ADGRB3: variants seen among roughly 807,000 people sequenced by gnomAD.
The protein encoded by ADGRB3 is adhesion G protein-coupled receptor B3.
Under a neutral mutation model 193.4 loss-of-function variants are expected in ADGRB3, and 37 were observed. The observed-to-expected ratio is 0.19, with a 90% confidence interval of 0.15 to 0.25. The LOEUF (loss-of-function observed/expected upper bound fraction) is 0.25. Among genes scored for constraint, ADGRB3 ranks in the 10% least tolerant of loss-of-function variants. ADGRB3 has a pLI of 1.00. For synonymous variants in ADGRB3, 690 were observed against 644.2 expected (o/e 1.07, Z -1.08); for missense variants, 1,637 against 1,852.9 (o/e 0.88, Z 2.14).
chr6:69,033,432 GTAGTATTGCTA>G (rs1770770701), intron 13 of ADGRB3, among the ~76,000 whole-genome samples: 6 of 152,052 alleles, frequency 3.9e-5, no homozygotes, highest in Non-Finnish European at 7.4e-5. Context: ...AAATAATTAT[GTAGTATTGCTA>G]CATTCTCTGA....
At chr6:69,025,589 G>A (rs1422263046) in intron 13 of ADGRB3, among the ~76,000 whole-genome samples, 1 of 150,116 alleles carries the variant, frequency 6.7e-6, no homozygotes, top group Non-Finnish European at 1.5e-5. Context: ...CTAGATTTGA[G>A]TCTGAATGTG....
intron 26 of ADGRB3, among the ~76,000 whole-genome samples, chr6:69,353,796 G>T (rs537069113): frequency 1.4e-4 from 22 of 152,300 alleles, no homozygotes; most frequent in African/African-American, 4.1e-4. Context: ...GGGCACGGTG[G>T]CTCATGCCTG....
intron 3 of ADGRB3, among the ~76,000 whole-genome samples, chr6:68,727,916 T>C (rs2074418245): frequency 6.6e-6 from 1 of 151,604 alleles, no homozygotes; most frequent in Non-Finnish European, 1.5e-5. Flanking sequence ...ATTGAACTCC[T>C]TCACCAGAGA....
At chr6:69,283,128 A>G (rs569111293) in intron 20 of ADGRB3, among the ~76,000 whole-genome samples, 1 of 152,222 alleles carries the variant, frequency 6.6e-6, no homozygotes, top group South Asian at 2.1e-4. Flanking sequence ...ATAAAAGAAG[A>G]TAAGCCTGGA....
At chr6:68,728,576 A>G (rs1765716325) in intron 3 of ADGRB3, among the ~76,000 whole-genome samples, 1 of 151,534 alleles carries the variant, frequency 6.6e-6, no homozygotes, top group Non-Finnish European at 1.5e-5. Flanking sequence ...TTACACACAC[A>G]CAAACACACA....
At position 69,179,870 on chromosome 6, in the gene ADGRB3, T is replaced by G. The variant is rs546083027; in HGVS notation, c.2481-53420T>G. Among the ~76,000 whole-genome samples the G allele has an allele frequency of 2.0e-4, 31 of 152,346 alleles. 1 individual carries two copies. Among genetic ancestry groups the G allele is most frequent in the Admixed American group, 1.6e-3 (24 of 15,308 alleles). On this transcript the variant is annotated intron_variant, in intron 17 of 31. Coordinates refer to ENST00000370598, the MANE Select transcript of ADGRB3 (RefSeq NM_001704.3). Reference sequence around the variant, plus strand: ...GGCCTGTAATGACTAGGCATGTACTTGATCCTTGTTTACTTGGAGAACCTC... The same window carrying G: ...GGCCTGTAATGACTAGGCATGTACTGGATCCTTGTTTACTTGGAGAACCTC...
intron 15 of ADGRB3, among the ~76,000 whole-genome samples, chr6:69,050,992 G>T (rs1771376813): frequency 6.6e-6 from 1 of 152,050 alleles, no homozygotes; most frequent in Non-Finnish European, 1.5e-5. Flanking sequence ...CTACACAAAT[G>T]AAGTCAGGTT....
At position 69,015,446 on chromosome 6, in the gene ADGRB3, A is replaced by G. The variant is rs957435766; in HGVS notation, c.1998+1340A>G. On this transcript the variant is annotated intron_variant, in intron 12 of 31. Coordinates refer to ENST00000370598, the MANE Select transcript of ADGRB3 (RefSeq NM_001704.3). ...CCTTAATGCTGTTTTTGAAATAACG[A>G]TTTGAAGCTGAAAAAACAAAAACAA... 3.3e-5 allele frequency among the ~76,000 whole-genome samples: 5 copies of G among 152,076 alleles called. No individual in the cohort carries two copies. In the South Asian group the frequency reaches 6.2e-4, roughly 19 times the overall value.
intron 13 of ADGRB3, among the ~76,000 whole-genome samples, chr6:69,046,372 C>T (rs1225748285): frequency 6.6e-6 from 1 of 152,108 alleles, no homozygotes; most frequent in Non-Finnish European, 1.5e-5. Flanking sequence ...GCTTAGAGGA[C>T]TCAAGAAAGA....
chr6:69,184,805 T>A (rs1765035812), intron 17 of ADGRB3, among the ~76,000 whole-genome samples: 1 of 152,096 alleles, frequency 6.6e-6, no homozygotes, highest in South Asian at 2.1e-4. Context: ...AACAGTATCC[T>A]TTATGGGGCA....
chr6:69,234,422 A>G (rs1268408697), intron 18 of ADGRB3, among the ~76,000 whole-genome samples: 1 of 112,058 alleles, frequency 8.9e-6, no homozygotes, highest in Non-Finnish European at 2.1e-5. Flanking sequence ...TTGTTCATTG[A>G]AAAAAAATCA....
chr6:69,342,176 G>A (rs1022924834), intron 26 of ADGRB3, among the ~76,000 whole-genome samples: 1 of 151,972 alleles, frequency 6.6e-6, no homozygotes, highest in Non-Finnish European at 1.5e-5. Context: ...GCTAAAGTAG[G>A]TGTCTCTAAA....
rs114837098 is a variant in ADGRB3 at position 68,855,127 on chromosome 6, T to C, written c.758-75432T>C. Among the ~76,000 whole-genome samples the C allele has an allele frequency of 9.6e-4, 146 of 152,338 alleles. 1 individual carries two copies. Among genetic ancestry groups the C allele is most frequent in the African/African-American group, 3.2e-3 (132 of 41,586 alleles). On this transcript the variant is annotated intron_variant, in intron 3 of 31. Coordinates refer to ENST00000370598, the MANE Select transcript of ADGRB3 (RefSeq NM_001704.3). ...TTTGCTGCATTTTGCATTATTACAT[T>C]GTCCCTTTATGAAAATCAAGTATTC...
At chr6:68,817,308 T>A (rs1192455643) in intron 3 of ADGRB3, among the ~76,000 whole-genome samples, 1 of 3,822 alleles carries the variant, frequency 2.6e-4, no homozygotes, top group Non-Finnish European at 6.4e-4. Flanking sequence ...TTTGTCCATG[T>A]ATATATATAT....
At chr6:68,724,710 T>A (rs1582149969) in intron 3 of ADGRB3, among the ~76,000 whole-genome samples, 1 of 151,414 alleles carries the variant, frequency 6.6e-6, no homozygotes, top group South Asian at 2.1e-4. Context: ...AGATTCCTTA[T>A]AAAGAGACCT....
intron 17 of ADGRB3, among the ~76,000 whole-genome samples, chr6:69,195,352 G>C (rs1306042496): frequency 6.6e-6 from 1 of 151,560 alleles, no homozygotes; most frequent in South Asian, 2.1e-4. Flanking sequence ...CAACATAGTG[G>C]ACCCTATTTC....
rs1180534441 is a variant in ADGRB3 at position 68,639,278 on chromosome 6, T to C, written c.603T>C (p.His201=). The change falls in exon 3 of 32, where the codon CAT becomes CAC. Residue 201 remains histidine (H), a synonymous_variant. Transcript: ENST00000370598. ...IMYTKCTCPQ[H]LGEWGIDDQS... is the part of the protein sequence containing the mutation. ...ATACAAAATGCACCTGCCCTCAGCA[T>C]TTGGGAGAGTGGGGGATCGACGACC... The C allele has an allele frequency of 6.2e-7, 1 of 1,613,858 alleles. No individual in the cohort carries two copies. Among genetic ancestry groups the C allele is most frequent in the Non-Finnish European group, 8.5e-7 (1 of 1,180,020 alleles).
At chr6:69,384,026 T>C (rs950824035) in intron 31 of ADGRB3, among the ~76,000 whole-genome samples, 1 of 152,024 alleles carries the variant, frequency 6.6e-6, no homozygotes, top group African/African-American at 2.4e-5. Context: ...TAATGTTAGC[T>C]TCGGAAGAGC....
chr6:68,754,572 G>C (rs902864407), intron 3 of ADGRB3, among the ~76,000 whole-genome samples: 2 of 152,160 alleles, frequency 1.3e-5, no homozygotes, highest in Non-Finnish European at 1.5e-5. Context: ...CAGTATATTT[G>C]TATTGAATGT....
Sources: allele counts gnomAD v4.1 joint callset (sites outside exome capture counted in the v4.1 genomes callset), GRCh38; gene constraint gnomAD v4.1.1; transcripts MANE v1.5; gene names NCBI Gene and HGNC (gene_info 2026-07-23, HGNC 2026-07-21).